Variants in SALL1 observed in about 807,000 individuals in gnomAD.
SALL1 encodes sal-like protein 1.
In SALL1, 10 loss-of-function variants were observed where a neutral mutation model predicts 73.1. That is an observed-to-expected ratio of 0.14 (90% CI 0.08 to 0.23). The LOEUF is 0.23. SALL1 is among the 10% of genes least tolerant of loss of function. SALL1 has a pLI of 1.00. For synonymous variants in SALL1, 688 were observed against 689.8 expected (o/e 1.00, Z 0.04); for missense variants, 1,520 against 1,697.3 (o/e 0.90, Z 1.84).
intron 1 of SALL1, among the ~76,000 whole-genome samples, chr16:51,145,533 C>T (rs567801722): frequency 2.0e-4 from 31 of 151,858 alleles, no homozygotes; most frequent in Non-Finnish European, 4.1e-4. Context: ...GTTGGGGGGG[C>T]GGGAAGAGTG....
In SALL1 at chr16:51,137,201, C is replaced by T. The variant is rs766538484; in HGVS notation, c.3886G>A (p.Gly1296Ser). The stretch of plus-strand genomic sequence containing the variant: ...TCACTGCTTGCCATTTTCTCCAGGC[C>T]GGCCAGGGGAGCATTGGGCTCTGAG... ...QNSEPNAPLA[G>S]LEKMASSENG... The change falls in exon 3 of 3, where the codon GGC becomes AGC. Residue 1296 changes from glycine to serine, a missense_variant. Around this residue, in one of 7 missense-constraint regions of SALL1, gnomAD observed 318 missense variants for 357.1 expected, o/e 0.89. Transcript: ENST00000251020. 106 of 1,614,012 alleles carry T rather than the reference C, an allele frequency of 6.6e-5. No individual in the cohort carries two copies. Among genetic ancestry groups the T allele is most frequent in the Middle Eastern group, 1.6e-4 (1 of 6,084 alleles).
upstream of SALL1, chr16:51,152,031 A>T (rs1359224542): frequency 1.4e-5 from 2 of 139,740 alleles, no homozygotes; most frequent in Non-Finnish European, 3.0e-5. Flanking sequence ...AAAATAAGCG[A>T]GTGGGGAAGA....
chr16:51,141,480 C>G lies in SALL1; in HGVS notation c.742G>C (p.Glu248Gln). Residue 248 changes from glutamate to glutamine, a missense_variant, in exon 2 of 3, where the codon GAA (glutamate) becomes CAA (glutamine). This residue lies in a region of SALL1 where 540 missense variants were observed against 567.5 expected (regional missense o/e 0.95). Transcript: ENST00000251020. This position sits in a 1 kb window ranked among gnomAD's most constrained non-coding sequence, Gnocchi z 5.4. ...AGCAATATTTGGTGACGAATCTGTTCGATCAATTGCAGCTGGTGGATCTGC... is the reference window on the plus strand; with the variant it reads ...AGCAATATTTGGTGACGAATCTGTTGGATCAATTGCAGCTGGTGGATCTGC... ...QQQIHQLQLIEQIRHQILLLA... is the reference protein window; with the variant it reads ...QQQIHQLQLIQQIRHQILLLA... The G allele has an allele frequency of 6.2e-7, 1 of 1,614,106 alleles. No homozygotes were observed. The highest frequency in any genetic ancestry group is 1.1e-5 in the South Asian group (1 of 91,080).
chr16:51,137,170 C>T lies in SALL1; in HGVS notation c.3917G>A (p.Gly1306Glu). The T allele has an allele frequency of 1.2e-6, 2 of 1,614,106 alleles. No homozygotes were observed. Among genetic ancestry groups the T allele is most frequent in the Non-Finnish European group, 1.7e-6 (2 of 1,180,034 alleles). The stretch of plus-strand genomic sequence containing the variant: ...GAAGCGGGTGAAGCGGAAGTTGGTT[C>T]CGTTCTCACTGCTTGCCATTTTCTC... Reference protein sequence around the residue: ...GLEKMASSENGTNFRFTRFVE... With the variant: ...GLEKMASSENETNFRFTRFVE... The change falls in exon 3 of 3, where the codon GGA becomes GAA. Residue 1306 changes from glycine to glutamate, a missense_variant. Transcript: ENST00000251020.
upstream of SALL1, among the ~76,000 whole-genome samples, chr16:51,151,817 G>A (rs1053926367): frequency 1.3e-5 from 2 of 151,550 alleles, no homozygotes; most frequent in Non-Finnish European, 3.0e-5. Flanking sequence ...GCCCCGGGTG[G>A]GGGGTGGGGC....
At chr16:51,151,907 G>C (rs924032553), upstream of SALL1, among the ~76,000 whole-genome samples, 3 of 151,890 alleles carry the variant, frequency 2.0e-5, no homozygotes, top group Non-Finnish European at 4.4e-5. Context: ...CCGGCCCGCG[G>C]GGGGAGGGAG....
rs1290295642 is a variant in SALL1 at position 51,140,472 on chromosome 16, C to T, written c.1750G>A (p.Ala584Thr). ...EPAPIPISHSATSPPGSVKSD... is the reference protein window; with the variant it reads ...EPAPIPISHSTTSPPGSVKSD... Reference sequence around the variant, plus strand: ...TTGACTGAGCCTGGGGGGCTGGTGGCAGAATGGCTGATGGGGATGGGGGCT... The same window carrying T: ...TTGACTGAGCCTGGGGGGCTGGTGGTAGAATGGCTGATGGGGATGGGGGCT... The change falls in exon 2 of 3, where the codon GCC becomes ACC. Residue 584 changes from alanine to threonine, a missense_variant. Ala to Thr is a moderately conservative substitution (Grantham distance 58). This residue lies in a region of SALL1 where 276 missense variants were observed against 259.1 expected (regional missense o/e 1.07). Transcript: ENST00000251020. This position sits in a 1 kb window ranked among gnomAD's most constrained non-coding sequence, Gnocchi z 5.7. 1 of 1,613,556 alleles carries T rather than the reference C, an allele frequency of 6.2e-7. No homozygotes were observed. The highest frequency in any genetic ancestry group is 8.5e-7 in the Non-Finnish European group (1 of 1,179,706).
In SALL1 at chr16:51,141,023, G is replaced by C; in HGVS notation, c.1199C>G (p.Ser400Trp). The C allele has an allele frequency of 1.2e-6, 2 of 1,614,228 alleles. No individual in the cohort carries two copies. The highest frequency in any genetic ancestry group is 2.2e-5 in the East Asian group (1 of 44,878). ...PLLPQQASAN[S>W]VFPSPLPNIG... The stretch of plus-strand genomic sequence containing the variant: ...GTTGGGCAAAGGGCTGGGGAAAACC[G>C]AGTTAGCGGAGGCTTGCTGAGGTAG... Residue 400 changes from serine to tryptophan, a missense_variant, in exon 2 of 3, where the codon TCG becomes TGG. Coordinates refer to ENST00000251020, the MANE Select transcript of SALL1 (RefSeq NM_002968.3). This position sits in a 1 kb window ranked among gnomAD's most constrained non-coding sequence, Gnocchi z 5.4.
Position 51,137,371 on chromosome 16 carries a change from G to A in SALL1, c.3716C>T (p.Ala1239Val), listed in dbSNP as rs754218708. 3 of 1,614,166 alleles carry A rather than the reference G, an allele frequency of 1.9e-6. No individual in the cohort carries two copies. The highest frequency in any genetic ancestry group is 2.5e-6 in the Non-Finnish European group (3 of 1,180,034). ...CATCGCCAGCCCGTTGGAGAGCGCT[G>A]CTGCATACTGATTCCAGAAGCTGGA... ...DPSSFWNQYAAALSNGLAMKA... is the reference protein window; with the variant it reads ...DPSSFWNQYAVALSNGLAMKA... The change falls in exon 3 of 3, where the codon GCA becomes GTA. Residue 1239 changes from alanine (A) to valine (V), a missense_variant. Ala to Val is a moderately conservative substitution (Grantham distance 64). Transcript: ENST00000251020.
At chr16:51,142,858 C>A (rs1439819193) in intron 1 of SALL1, among the ~76,000 whole-genome samples, 1 of 152,180 alleles carries the variant, frequency 6.6e-6, no homozygotes, top group Non-Finnish European at 1.5e-5. Flanking sequence ...TGCCTGGCAC[C>A]TATATATCAC....
At chr16:51,147,103 G>T (rs1209022621) in intron 1 of SALL1, among the ~76,000 whole-genome samples, 1 of 152,128 alleles carries the variant, frequency 6.6e-6, no homozygotes, top group Non-Finnish European at 1.5e-5. Context: ...TGTTGGTAAA[G>T]ACAACTTGCT....
rs148915594 is a variant in SALL1 at position 51,140,775 on chromosome 16, C to T, written c.1447G>A (p.Gly483Arg). 9 of 1,614,020 alleles carry T rather than the reference C, an allele frequency of 5.6e-6. No individual in the cohort carries two copies. Among genetic ancestry groups the T allele is most frequent in the South Asian group, 1.1e-5 (1 of 91,080 alleles). The change falls in exon 2 of 3, where the codon GGG (glycine) becomes AGG (arginine). Residue 483 changes from glycine to arginine, a missense_variant. This residue lies in a region of SALL1 where 21 missense variants were observed against 69.3 expected (regional missense o/e 0.30). Coordinates refer to ENST00000251020, the MANE Select transcript of SALL1 (RefSeq NM_002968.3). The surrounding 1 kb of genome is among the most constrained non-coding windows in gnomAD (Gnocchi z 5.7). Reference protein sequence around the residue: ...GERPFKCNICGNRFSTKGNLK... With the variant: ...GERPFKCNICRNRFSTKGNLK... Reference sequence around the variant, plus strand: ...TTCCCCTTGGTGGAGAACCTGTTCCCGCAGATGTTGCACTTGAATGGCCTC... The same window carrying T: ...TTCCCCTTGGTGGAGAACCTGTTCCTGCAGATGTTGCACTTGAATGGCCTC...
In SALL1 at chr16:51,138,675, G is replaced by A; in HGVS notation, c.3534+13C>T. On this transcript the variant is annotated intron_variant, in intron 2 of 2. Transcript: ENST00000251020. ...GTTGATGGAGCAGGTATGGTGCAGA[G>A]AGAGCAAGGTACCTTAAGATTGCCT... 1 of 1,606,578 alleles carries A rather than the reference G, an allele frequency of 6.2e-7. No homozygotes were observed. The highest frequency in any genetic ancestry group is 8.5e-7 in the Non-Finnish European group (1 of 1,175,846).
chr16:51,151,301 A>C (rs1375292416), upstream of SALL1: 2 of 1,286,654 alleles, frequency 1.6e-6, no homozygotes, highest in Non-Finnish European at 2.0e-6. Flanking sequence ...TCTTCTCAAA[A>C]TTACGGAAAT....
rs755995166 is a variant in SALL1 at position 51,141,570 on chromosome 16, C to G, written c.652G>C (p.Gly218Arg). The G allele has an allele frequency of 1.2e-5, 20 of 1,614,116 alleles. No homozygotes were observed. In the Admixed American group the frequency reaches 3.0e-4, roughly 24 times the overall value. ...AQFSQEARCG[G>R]ASGGKLAVPA... ...ACGGCCAGCTTGCCCCCAGAGGCCC[C>G]GCCGCACCTCGCTTCCTGGGAGAAC... The change falls in exon 2 of 3, where the codon GGG (glycine) becomes CGG (arginine). Residue 218 changes from glycine (G) to arginine (R), a missense_variant. Physicochemically the swap from Gly to Arg is moderately radical, Grantham distance 125. Transcript: ENST00000251020. The surrounding 1 kb of genome is among the most constrained non-coding windows in gnomAD (Gnocchi z 5.4).
Position 51,142,096 on chromosome 16 carries a change from G to A in SALL1, c.126C>T (p.Ala42=), listed in dbSNP as rs1443890005. The change falls in exon 2 of 3, where the codon GCC becomes GCT. Residue 42 remains alanine, a synonymous_variant. Coordinates refer to ENST00000251020, the MANE Select transcript of SALL1 (RefSeq NM_002968.3). ...CGGCACAGCACCGGCCACAGACGTG[G>A]GCATCCTTGCTCTTAGTAGGGCGAC... ...QPSRPTKSKD[A]HVCGRCCAEF... 2.4e-5 allele frequency: 38 copies of A among 1,613,700 alleles called. No individual in the cohort carries two copies. The highest frequency in any genetic ancestry group is 3.1e-5 in the Non-Finnish European group (36 of 1,180,014).
chr16:51,138,967 G>A lies in SALL1; in HGVS notation c.3255C>T (p.Ile1085=). 6.2e-7 allele frequency: 1 copy of A among 1,614,158 alleles called. No homozygotes were observed. Among genetic ancestry groups the A allele is most frequent in the Non-Finnish European group, 8.5e-7 (1 of 1,180,034 alleles). The change falls in exon 2 of 3, where the codon ATC becomes ATT. Residue 1085 remains isoleucine (I), a synonymous_variant. Transcript: ENST00000251020. The stretch of plus-strand genomic sequence containing the variant: ...GCACGAAGCCGTTGACCTCTGTCTT[G>A]ATGAGAGATGACAACGAGTTGGCGG... ...VIPANSLSSL[I]KTEVNGFVHV...
upstream of SALL1, chr16:51,151,281 TA>T (rs761944011): frequency 4.2e-4 from 588 of 1,397,348 alleles, no homozygotes; most frequent in Middle Eastern, 9.9e-4. Flanking sequence ...AAAAAATTAC[TA>T]AAAAAAAATC....
At chr16:51,147,996 G>A (rs1962544148) in intron 1 of SALL1, among the ~76,000 whole-genome samples, 1 of 152,156 alleles carries the variant, frequency 6.6e-6, no homozygotes, top group South Asian at 2.1e-4. Context: ...TCATTTAGGA[G>A]ACAAGTCATA....
Sources: allele counts gnomAD v4.1 joint callset (sites outside exome capture counted in the v4.1 genomes callset), GRCh38; gene constraint gnomAD v4.1.1; regional missense constraint gnomAD v4.1.1; non-coding constraint Gnocchi (gnomAD v3.1); transcripts MANE v1.5; gene names NCBI Gene and HGNC (gene_info 2026-07-23, HGNC 2026-07-21).